APMAP: variants seen among roughly 807,000 people sequenced by gnomAD.
The protein encoded by APMAP is adipocyte plasma membrane-associated protein.
In APMAP, 33 loss-of-function variants were observed where a neutral mutation model predicts 43.6. The ratio of observed to expected loss-of-function variants is 0.76; its 90% CI spans 0.57 to 1.01. The LOEUF is 1.01. Ranked by LOEUF, APMAP falls within the 50% of genes least tolerant of loss-of-function variation. APMAP has a pLI of 0.00. For synonymous variants in APMAP, 224 were observed against 216.7 expected (o/e 1.03, Z -0.30); for missense variants, 498 against 540.7 (o/e 0.92, Z 0.78).
At chr20:24,984,779 T>TA (rs2088133609) in intron 1 of APMAP, among the ~76,000 whole-genome samples, 1 of 152,240 alleles carries the variant, frequency 6.6e-6, no homozygotes, top group African/African-American at 2.4e-5. Context: ...AATCTTCACA[T>TA]ACAGTATCTC....
In APMAP at chr20:24,992,538, TC is replaced by T. The variant is rs2088203270; in HGVS notation, c.95+55del. ...CTGCCGTCGCCGCTGTCCAAGAGGG[TC>T]GCCCTCCACTCCTAGCGGCCCGGCT... is the stretch of plus-strand genomic sequence containing the variant. On this transcript the variant is annotated intron_variant, in intron 1 of 8. Transcript: ENST00000217456. 10 of 1,387,582 alleles carry T rather than the reference TC, an allele frequency of 7.2e-6. No homozygotes were observed. In the South Asian group the frequency reaches 1.5e-4, roughly 20 times the overall value. 86.0% of individuals were successfully genotyped at this position (1,387,582 alleles called of 1,614,324 possible).
intron 2 of APMAP, among the ~76,000 whole-genome samples, chr20:24,981,094 T>C (rs2088100830): frequency 6.6e-6 from 1 of 152,204 alleles, no homozygotes. Context: ...GCTCTTCCAG[T>C]CTGGACTATT....
At chr20:24,974,627 T>C (rs1348984143) in intron 3 of APMAP, among the ~76,000 whole-genome samples, 7 of 152,090 alleles carry the variant, frequency 4.6e-5, no homozygotes, top group East Asian at 1.9e-4. Flanking sequence ...AAGACATATA[T>C]AGATTAAAAG....
At chr20:24,973,791 T>C (rs886822753) in intron 3 of APMAP, 54 bp from the exon 4 acceptor site, 2 of 1,508,402 alleles carry the variant, frequency 1.3e-6, no homozygotes, top group African/African-American at 1.4e-5. Context: ...GAAATGTGAC[T>C]AAGCCGCCTT....
chr20:24,978,790 G>A lies in APMAP; in HGVS notation c.305C>T (p.Pro102Leu), dbSNP rs139371606. 3.9e-5 allele frequency: 62 copies of A among 1,599,708 alleles called. No homozygotes were observed. The East Asian group carries it at 7.8e-4, about 20-fold the overall frequency. ...ACCCCCAATATGTGCTATGGACTCC[G>A]GTCCAACAAGTTGATTTTCAAACAG... ...ERLFENQLVG[P>L]ESIAHIGDVM... The change falls in exon 3 of 9, where the codon CCG becomes CTG. Residue 102 changes from proline to leucine, a missense_variant. Transcript: ENST00000217456.
chr20:24,972,769 G>A (rs1201537847), intron 4 of APMAP, among the ~76,000 whole-genome samples: 1 of 151,882 alleles, frequency 6.6e-6, no homozygotes, highest in Non-Finnish European at 1.5e-5. Flanking sequence ...GCTCACTGCA[G>A]GTGCTTACTG....
chr20:24,983,760 G>T, intron 2 of APMAP, 143 bp downstream of exon 2: 1 of 557,814 alleles, frequency 1.8e-6, no homozygotes, highest in Non-Finnish European at 3.1e-6. Context: ...AAAAACCCAG[G>T]TACTAAAGAA....
At chr20:24,991,066 T>C (rs917624732) in intron 1 of APMAP, among the ~76,000 whole-genome samples, 4 of 152,114 alleles carry the variant, frequency 2.6e-5, no homozygotes, top group Non-Finnish European at 4.4e-5. Context: ...AAAAAACAAT[T>C]AAGTCTGCCT....
chr20:24,986,885 C>A (rs986114587), intron 1 of APMAP, among the ~76,000 whole-genome samples: 28 of 152,196 alleles, frequency 1.8e-4, no homozygotes, highest in Non-Finnish European at 4.1e-4. Context: ...TGGAGGATGC[C>A]CAGACCTAGA....
chr20:24,975,926 G>A (rs531098912), intron 3 of APMAP, among the ~76,000 whole-genome samples: 1 of 152,290 alleles, frequency 6.6e-6, no homozygotes, highest in Admixed American at 6.5e-5. Context: ...AATGCATAAT[G>A]GAGAAAAGAC....
intron 2 of APMAP, 89 bp from the exon 3 acceptor site, chr20:24,978,971 A>C: frequency 9.7e-7 from 1 of 1,034,046 alleles, no homozygotes; most frequent in Non-Finnish European, 1.5e-6. Context: ...TTCTTTGATA[A>C]AGATGGCACT....
chr20:24,986,907 G>A (rs192750299), intron 1 of APMAP, among the ~76,000 whole-genome samples: 31 of 152,310 alleles, frequency 2.0e-4, no homozygotes, highest in East Asian at 1.9e-4. Context: ...CCCTCAGAGC[G>A]GGAGTTTGAA....
At chr20:24,973,595 T>A (rs773045298) in intron 4 of APMAP, 50 bp downstream of exon 4, 2 of 1,554,718 alleles carry the variant, frequency 1.3e-6, no homozygotes, top group South Asian at 2.2e-5. Context: ...CGATCCAACA[T>A]CTTTCTGAAA....
chr20:24,969,639 C>G lies in APMAP; in HGVS notation c.735G>C (p.Val245=). 1 of 1,613,860 alleles carries G rather than the reference C, an allele frequency of 6.2e-7. No individual in the cohort carries two copies. The highest frequency in any genetic ancestry group is 8.5e-7 in the Non-Finnish European group (1 of 1,179,772). The change falls in exon 7 of 9, where the codon GTG becomes GTC. Residue 245 remains valine, a synonymous_variant. Coordinates refer to ENST00000217456, the MANE Select transcript of APMAP (RefSeq NM_020531.3). ...CCAATAAAACTTTTACTTCCCTGGT[C>G]ACAGTATCATACTCCAGCAGGCTGT... is the stretch of plus-strand genomic sequence containing the variant. The part of the protein sequence containing the change: ...DDGRLLEYDT[V]TREVKVLLDQ...
intron 2 of APMAP, among the ~76,000 whole-genome samples, chr20:24,982,056 T>C (rs955900037): frequency 2.0e-5 from 3 of 152,326 alleles, no homozygotes; most frequent in Admixed American, 1.3e-4. Context: ...TGTTTTTGAG[T>C]GTGCCATGCC....
At chr20:24,968,597 AGG>A (rs1457156396) in intron 8 of APMAP, among the ~76,000 whole-genome samples, 1 of 146,374 alleles carries the variant, frequency 6.8e-6, no homozygotes, top group Non-Finnish European at 1.5e-5. Context: ...CACGATGGTG[AGG>A]GTGGCAATCA....
Position 24,968,898 on chromosome 20 carries a change from A to T in APMAP, c.1035T>A (p.Ile345=). 1 of 1,587,482 alleles carries T rather than the reference A, an allele frequency of 6.3e-7. No homozygotes were observed. Among genetic ancestry groups the T allele is most frequent in the Non-Finnish European group, 8.6e-7 (1 of 1,169,252 alleles). ...LSERPWIKRM[I]FKLFSQETVM... The stretch of plus-strand genomic sequence containing the variant: ...TAACAGTTTTCACAGTTACCTTAAA[A>T]ATCATCCTTTTAATCCAGGGTCTCT... The change falls in exon 8 of 9, where the codon ATT becomes ATA. Residue 345 remains isoleucine (I), a synonymous_variant. Transcript: ENST00000217456.
At chr20:24,978,576 G>A (rs755773747) in intron 3 of APMAP, among the ~76,000 whole-genome samples, 191 bp downstream of exon 3, 1 of 152,210 alleles carries the variant, frequency 6.6e-6, no homozygotes, top group Non-Finnish European at 1.5e-5. Flanking sequence ...CTGGGCAGAT[G>A]AGACCAGCAG....
Position 24,980,814 on chromosome 20 carries a change from T to G in APMAP, c.213-1932A>C, listed in dbSNP as rs554473583. Among the ~76,000 whole-genome samples, 25 of 143,888 alleles carry G rather than the reference T, an allele frequency of 1.7e-4. No homozygotes were observed. In the East Asian group the frequency reaches 5.3e-3, roughly 30 times the overall value. The allele number at this position is 143,888 out of a possible 152,430, so 94.4% of individuals were successfully genotyped here. On this transcript the variant is annotated intron_variant, in intron 2 of 8. Transcript: ENST00000217456. The stretch of plus-strand genomic sequence containing the variant: ...ACCGGGCAGTGTGGGGTCACCATGG[T>G]CAAGAGGCCATGCCACGATGACAAG...
Sources: allele counts gnomAD v4.1 joint callset (sites outside exome capture counted in the v4.1 genomes callset), GRCh38; gene constraint gnomAD v4.1.1; transcripts MANE v1.5; gene names NCBI Gene and HGNC (gene_info 2026-07-23, HGNC 2026-07-21).